Variants in ZNF18 observed in about 807,000 individuals in gnomAD.
ZNF18 encodes the protein heart development-specific gene 1 protein.
A neutral mutation model predicts 58.1 loss-of-function variants in ZNF18; 42 were observed. The ratio of observed to expected loss-of-function variants is 0.72; its 90% CI spans 0.56 to 0.93. The LOEUF (loss-of-function observed/expected upper bound fraction) is 0.93, where lower values mean the gene tolerates loss of function less well. Ranked by LOEUF, ZNF18 falls within the 40% of genes least tolerant of loss-of-function variation. ZNF18 has a pLI of 0.00. For missense variants in ZNF18, 540 were observed against 644.2 expected (o/e 0.84, Z 1.75); for synonymous variants, 231 against 239.8 (o/e 0.96, Z 0.34).
intron 1 of ZNF18, among the ~76,000 whole-genome samples, chr17:11,993,285 G>A (rs1196297453): frequency 6.6e-6 from 1 of 151,934 alleles, no homozygotes; most frequent in Non-Finnish European, 1.5e-5. Context: ...AAATAAAGCT[G>A]GAAAAAGATA....
chr17:11,994,709 C>T (rs1353745002), intron 1 of ZNF18, among the ~76,000 whole-genome samples: 3 of 151,894 alleles, frequency 2.0e-5, no homozygotes, highest in Non-Finnish European at 2.9e-5. Flanking sequence ...GGCGTGGTGG[C>T]GGGCGCCTGT....
chr17:12,014,948 T>G, the ZNF18 span, among the ~76,000 whole-genome samples: 1 of 151,890 alleles, frequency 6.6e-6, no homozygotes, highest in South Asian at 2.1e-4. Context: ...CTCGGGAGGC[T>G]GATGCAGGAG....
chr17:12,002,054 G>A (rs1229593340), upstream of ZNF18, among the ~76,000 whole-genome samples: 2 of 152,092 alleles, frequency 1.3e-5, no homozygotes, highest in Non-Finnish European at 2.9e-5. Flanking sequence ...AGGTGGGAGG[G>A]AGAAAACAAA....
chr17:11,986,237 G>A (rs1967733441), intron 4 of ZNF18, among the ~76,000 whole-genome samples: 1 of 152,230 alleles, frequency 6.6e-6, no homozygotes, highest in Non-Finnish European at 1.5e-5. Flanking sequence ...GGCCTCCCCA[G>A]CCATATGGAA....
intron 4 of ZNF18, among the ~76,000 whole-genome samples, chr17:11,985,062 C>T (rs954914983): frequency 2.0e-5 from 3 of 152,128 alleles, no homozygotes; most frequent in East Asian, 1.9e-4. Context: ...GATGTTATAG[C>T]CATACTTGAA....
In ZNF18 at chr17:11,992,737, T is replaced by C. The variant is rs769422116; in HGVS notation, c.93A>G (p.Gln31=). The C allele has an allele frequency of 4.3e-6, 7 of 1,614,134 alleles. No homozygotes were observed. Among genetic ancestry groups the C allele is most frequent in the South Asian group, 2.2e-5 (2 of 91,094 alleles). Residue 31 remains glutamine (Q), a synonymous_variant, in exon 2 of 7, where the codon CAA becomes CAG. Transcript: ENST00000580306. The stretch of plus-strand genomic sequence containing the variant: ...CGGTCTCAGGGCTGGAGAGTTCCTC[T>C]TGAAGGGCAGCATCTGATTCTGAGA... ...SQFSESDAAL[Q]EELSSPETAR...
At position 11,991,157 on chromosome 17, in the gene ZNF18, T is replaced by C. The variant is rs1409831285; in HGVS notation, c.394A>G (p.Ile132Val). 4 of 1,613,756 alleles carry C rather than the reference T, an allele frequency of 2.5e-6. No individual in the cohort carries two copies. The highest frequency in any genetic ancestry group is 2.2e-5 in the South Asian group (2 of 91,060). Reference sequence around the variant, plus strand: ...AAGATGTCCTGTCCTAGAACCTGGATACTGATCTAGAGACCATATATTAAT... The same window carrying C: ...AAGATGTCCTGTCCTAGAACCTGGACACTGATCTAGAGACCATATATTAAT... ...DPQRLWQWIS[I>V]QVLGQDILSE... Residue 132 changes from isoleucine to valine, a missense_variant, in exon 3 of 7, where the codon ATC (isoleucine) becomes GTC (valine). Physicochemically the swap from Ile to Val is conservative, Grantham distance 29 (BLOSUM62 3). Transcript: ENST00000580306.
At chr17:11,999,242 C>T (rs1400536780), upstream of ZNF18, among the ~76,000 whole-genome samples, 2 of 152,176 alleles carry the variant, frequency 1.3e-5, no homozygotes, top group East Asian at 3.9e-4. Context: ...GTTCTGACTC[C>T]TTTGTGAATC....
chr17:12,003,954 C>A, the ZNF18 span, among the ~76,000 whole-genome samples: 1 of 152,164 alleles, frequency 6.6e-6, no homozygotes, highest in Non-Finnish European at 1.5e-5. Context: ...GGGCCTGGGC[C>A]GGGTGCAGTG....
rs755121788 is a variant in ZNF18 at position 11,978,339 on chromosome 17, A to T, written c.1268T>A (p.Leu423His). The change falls in exon 7 of 7, where the codon CTT (leucine) becomes CAT (histidine). Residue 423 changes from leucine to histidine, a missense_variant. Leu to His is a moderately conservative substitution (Grantham distance 99). Transcript: ENST00000580306. The part of the protein sequence containing the change: ...CGKTFYRNSQ[L>H]IFHQRTHTGE... Reference sequence around the variant, plus strand: ...GGTGTGAGTTCTTTGGTGAAAAATAAGCTGAGAATTCCTATAAAAGGTCTT... The same window carrying T: ...GGTGTGAGTTCTTTGGTGAAAAATATGCTGAGAATTCCTATAAAAGGTCTT... 4 of 1,584,966 alleles carry T rather than the reference A, an allele frequency of 2.5e-6. No homozygotes were observed. The highest frequency in any genetic ancestry group is 3.4e-6 in the Non-Finnish European group (4 of 1,168,242).
intron 2 of ZNF18, 101 bp downstream of exon 2, chr17:11,992,342 C>A (rs1417450947): frequency 6.9e-7 from 1 of 1,459,162 alleles, no homozygotes; most frequent in South Asian, 1.4e-5. Context: ...AAGCCCCACC[C>A]ATTTTGTGTC....
the ZNF18 span, among the ~76,000 whole-genome samples, chr17:12,009,450 T>C: frequency 2.6e-5 from 4 of 151,764 alleles, no homozygotes; most frequent in Non-Finnish European, 5.9e-5. Flanking sequence ...GCTTTTTTTT[T>C]TTTTTTCTTT....
At chr17:11,985,033 T>A (rs1387838211) in intron 4 of ZNF18, among the ~76,000 whole-genome samples, 1 of 152,212 alleles carries the variant, frequency 6.6e-6, no homozygotes, top group Non-Finnish European at 1.5e-5. Context: ...CAAAGATTGG[T>A]ATATTCAGAG....
At chr17:12,008,441 C>A in the ZNF18 span, among the ~76,000 whole-genome samples, 3 of 152,244 alleles carry the variant, frequency 2.0e-5, no homozygotes, top group South Asian at 6.2e-4. Context: ...CTCAAGGGAT[C>A]CTCACGCCTC....
At chr17:11,985,583 A>C (rs1967683988) in intron 4 of ZNF18, among the ~76,000 whole-genome samples, 1 of 152,186 alleles carries the variant, frequency 6.6e-6, no homozygotes, top group Non-Finnish European at 1.5e-5. Flanking sequence ...ATGTATGTGC[A>C]CACATGTAAG....
At chr17:11,987,203 C>T (rs961487230) in intron 4 of ZNF18, among the ~76,000 whole-genome samples, 3 of 152,188 alleles carry the variant, frequency 2.0e-5, no homozygotes, top group East Asian at 1.9e-4. Flanking sequence ...CTTAGTTACA[C>T]GCTGTTCCTT....
chr17:12,020,802 G>A, the ZNF18 span: 1 of 571,942 alleles, frequency 1.7e-6, no homozygotes. Context: ...CAAGGCGGGG[G>A]TAAGCCTCGC....
chr17:11,992,409 G>C, intron 2 of ZNF18, 34 bp downstream of exon 2: 1 of 1,592,394 alleles, frequency 6.3e-7, no homozygotes, highest in Non-Finnish European at 8.6e-7. Context: ...GGAGCCCTGT[G>C]TTTCACTCGC....
chr17:11,978,568 G>C lies in ZNF18; in HGVS notation c.1039C>G (p.Leu347Val), dbSNP rs973982524. The change falls in exon 7 of 7, where the codon CTG (leucine) becomes GTG (valine). Residue 347 changes from leucine to valine, a missense_variant. Transcript: ENST00000580306. ...FGEGENLPEALQNIQDEGTGE... is the reference protein window; with the variant it reads ...FGEGENLPEAVQNIQDEGTGE... ...GTTCCCTCATCCTGAATGTTTTGCA[G>C]AGCCTCAGGGAGATTCTCTCCTTCT... 1 of 1,613,754 alleles carries C rather than the reference G, an allele frequency of 6.2e-7. No homozygotes were observed. The highest frequency in any genetic ancestry group is 1.1e-5 in the South Asian group (1 of 90,992).
Sources: allele counts gnomAD v4.1 joint callset (sites outside exome capture counted in the v4.1 genomes callset), GRCh38; gene constraint gnomAD v4.1.1; transcripts MANE v1.5; gene names NCBI Gene and HGNC (gene_info 2026-07-23, HGNC 2026-07-21).